MYO10: variants seen among roughly 807,000 people sequenced by gnomAD.
The protein encoded by MYO10 is myosin X.
Under a neutral mutation model 257.3 loss-of-function variants are expected in MYO10, and 133 were observed. That is an observed-to-expected ratio of 0.52 (90% confidence interval 0.45 to 0.60). MYO10 has a LOEUF of 0.60. Ranked by LOEUF, MYO10 falls within the 20% of genes least tolerant of loss-of-function variation. MYO10 has a pLI of 0.00. For synonymous variants in MYO10, 1,104 were observed against 1,028.6 expected, an observed-to-expected ratio of 1.07 and a Z score of -1.40; for missense variants, 2,399 against 2,635.7, an observed-to-expected ratio of 0.91 and a Z score of 1.97.
chr5:16,742,394 A>T (rs1289008838), intron 19 of MYO10, among the ~76,000 whole-genome samples: 1 of 152,168 alleles, frequency 6.6e-6, no homozygotes, highest in Non-Finnish European at 1.5e-5. Flanking sequence ...CTTTACTAAA[A>T]TTTCCTCCAA....
At chr5:16,846,350 T>G (rs1361144748) in intron 2 of MYO10, among the ~76,000 whole-genome samples, 6 of 152,172 alleles carry the variant, frequency 3.9e-5, no homozygotes, top group Admixed American at 3.9e-4. Context: ...GACAGTCACT[T>G]CTGTGTGTGA....
At chr5:16,898,086 G>A (rs1745264306) in intron 1 of MYO10, among the ~76,000 whole-genome samples, 1 of 152,094 alleles carries the variant, frequency 6.6e-6, no homozygotes, top group Admixed American at 6.6e-5. Flanking sequence ...GCTGGACCAA[G>A]TATGGACAGT....
Position 16,662,788 on chromosome 5 carries a change from G to A in MYO10, c.*3904C>T, listed in dbSNP as rs759856964. ...TTTTCCCATGCTGTTCTTGTCCATAGTGAGTATGTCTCGGAAGAGCTAATG... is the reference window on the plus strand; with the variant it reads ...TTTTCCCATGCTGTTCTTGTCCATAATGAGTATGTCTCGGAAGAGCTAATG... On this transcript the variant is annotated 3_prime_UTR_variant, in exon 41 of 41. Transcript: ENST00000513610. The A allele has an allele frequency of 6.6e-6, 1 of 152,112 alleles. No individual in the cohort carries two copies. The highest frequency in any genetic ancestry group is 1.5e-5 in the Non-Finnish European group (1 of 68,034). 9.4% of individuals were successfully genotyped at this position (152,112 alleles called of 1,614,324 possible).
At position 16,908,717 on chromosome 5, in the gene MYO10, G is replaced by A. The variant is rs548077570; in HGVS notation, c.21+27071C>T. On this transcript the variant is annotated intron_variant, in intron 1 of 40. Transcript: ENST00000513610. ...ATTATATATAGATAGATATAGATAT[G>A]ATAAGTATATAACCATATTTGTTAC... Among the ~76,000 whole-genome samples, 4 of 152,164 alleles carry A rather than the reference G, an allele frequency of 2.6e-5. No individual in the cohort carries two copies. The South Asian group carries it at 8.3e-4, about 32-fold the overall frequency.
At position 16,754,883 on chromosome 5, in the gene MYO10, G is replaced by C. The variant is rs1334046909; in HGVS notation, c.1874C>G (p.Thr625Arg). 6.2e-7 allele frequency: 1 copy of C among 1,601,528 alleles called. No individual in the cohort carries two copies. Among genetic ancestry groups the C allele is most frequent in the African/African-American group, 1.3e-5 (1 of 74,734 alleles). The change falls in exon 19 of 41, where the codon ACG (threonine) becomes AGG (arginine). Residue 625 changes from threonine (T) to arginine (R), a missense_variant. Thr to Arg is a moderately conservative substitution (Grantham distance 71). Around this residue, in one of 3 missense-constraint regions of MYO10, gnomAD observed 1,820 missense variants for 1,939.4 expected, o/e 0.94. Transcript: ENST00000513610. ...AAAGAAAGGATTAGAGGAGCTTAGC[G>C]TTGCCATTAAGGAATGCAGTGAGTC... ...FKDSLHSLMA[T>R]LSSSNPFFVR...
intron 33 of MYO10, among the ~76,000 whole-genome samples, chr5:16,676,497 G>A (rs991973257): frequency 6.6e-6 from 1 of 152,144 alleles, no homozygotes; most frequent in African/African-American, 2.4e-5. Context: ...CAGGTGGATC[G>A]TGAGGTCAGC....
intron 2 of MYO10, among the ~76,000 whole-genome samples, chr5:16,827,124 T>C (rs895412590): frequency 6.6e-6 from 1 of 152,114 alleles, no homozygotes; most frequent in African/African-American, 2.4e-5. Context: ...CAAGAAAACG[T>C]CAAGTCCCCT....
chr5:16,906,304 G>T (rs1247825020), intron 1 of MYO10, among the ~76,000 whole-genome samples: 1 of 152,124 alleles, frequency 6.6e-6, no homozygotes, highest in African/African-American at 2.4e-5. Flanking sequence ...CAGCTCGAGG[G>T]TCTAAAGCAC....
intron 1 of MYO10, among the ~76,000 whole-genome samples, chr5:16,924,514 C>A (rs757820229): frequency 6.6e-5 from 10 of 152,078 alleles, no homozygotes; most frequent in Non-Finnish European, 1.3e-4. Context: ...CTTTGTGATC[C>A]AACATTTCCA....
chr5:16,796,887 C>A (rs1253978909), intron 3 of MYO10, among the ~76,000 whole-genome samples: 3 of 152,076 alleles, frequency 2.0e-5, no homozygotes, highest in Non-Finnish European at 4.4e-5. Flanking sequence ...TTAGGGTGGG[C>A]CCTAATCCAA....
At chr5:16,829,164 G>C (rs1336856207) in intron 2 of MYO10, among the ~76,000 whole-genome samples, 2 of 152,174 alleles carry the variant, frequency 1.3e-5, no homozygotes, top group Non-Finnish European at 2.9e-5. Flanking sequence ...ACAGATGCAA[G>C]GGTGATGTGG....
At chr5:16,673,227 G>A (rs1006107703) in intron 36 of MYO10, among the ~76,000 whole-genome samples, 2 of 151,760 alleles carry the variant, frequency 1.3e-5, no homozygotes, top group African/African-American at 2.4e-5. Context: ...TGGGGGGTGG[G>A]GGTCGGGGTG....
At chr5:16,843,996 T>C (rs1442800249) in intron 2 of MYO10, among the ~76,000 whole-genome samples, 2 of 152,170 alleles carry the variant, frequency 1.3e-5, no homozygotes, top group Non-Finnish European at 2.9e-5. Flanking sequence ...GCACAAAGAT[T>C]GACACGCTGC....
At chr5:16,700,678 A>AAAC (rs200754970) in intron 25 of MYO10, among the ~76,000 whole-genome samples, 4 of 152,306 alleles carry the variant, frequency 2.6e-5, no homozygotes, top group Middle Eastern at 3.4e-3. Context: ...TCCACCTCAA[A>AAAC]AACAACAACA....
chr5:16,722,145 G>A (rs561651309), intron 19 of MYO10, among the ~76,000 whole-genome samples: 64 of 152,274 alleles, frequency 4.2e-4, no homozygotes, highest in African/African-American at 1.4e-3. Context: ...TCCCTCCTGC[G>A]TAAAACTGTC....
chr5:16,851,516 G>A (rs993149329), intron 2 of MYO10, among the ~76,000 whole-genome samples: 1 of 152,074 alleles, frequency 6.6e-6, no homozygotes, highest in African/African-American at 2.4e-5. Flanking sequence ...AATATCTTAT[G>A]AACGTTAGAG....
rs553934963 is a variant in MYO10, at chr5:16,791,319, C to T, written c.467+3327G>A. 2.2e-3 allele frequency among the ~76,000 whole-genome samples: 338 copies of T among 151,828 alleles called. 2 individuals are homozygous for T. The highest frequency in any genetic ancestry group is 7.9e-3 in the African/African-American group (327 of 41,168). On this transcript the variant is annotated intron_variant, in intron 4 of 40. Transcript: ENST00000513610. ...TTTCTCTTAATTCCCACAGCTTCAA[C>T]CCCCACTTTAAAAAACTGCTGAAGA...
In MYO10 at chr5:16,663,292, C is replaced by T. The variant is rs1224883368; in HGVS notation, c.*3400G>A. 1 of 129,780 alleles carries T rather than the reference C, an allele frequency of 7.7e-6. No homozygotes were observed. Among genetic ancestry groups the T allele is most frequent in the South Asian group, 2.5e-4 (1 of 4,012 alleles). 8.0% of individuals were successfully genotyped at this position (129,780 alleles called of 1,614,324 possible). On this transcript the variant is annotated 3_prime_UTR_variant, in exon 41 of 41. Transcript: ENST00000513610. ...GGGAAAGGAAAATGGGTAATTAGGGCTACAGCTGGAAAAAAGTAACATTTT... is the reference window on the plus strand; with the variant it reads ...GGGAAAGGAAAATGGGTAATTAGGGTTACAGCTGGAAAAAAGTAACATTTT...
chr5:16,769,867 A>G (rs1740992576), intron 9 of MYO10, among the ~76,000 whole-genome samples: 1 of 152,132 alleles, frequency 6.6e-6, no homozygotes, highest in Non-Finnish European at 1.5e-5. Flanking sequence ...TGAAATATTT[A>G]TTATTTTCTT....
Sources: gnomAD v4.1 joint callset for allele counts (sites outside exome capture counted in the v4.1 genomes callset) on GRCh38, gnomAD v4.1.1 for gene constraint, gnomAD v4.1.1 regional missense constraint, MANE v1.5 for transcripts, NCBI Gene and HGNC (gene_info 2026-07-23, HGNC 2026-07-21) for gene names.